Variants in PALS1 observed in about 807,000 individuals in gnomAD.
The protein encoded by PALS1 is protein PALS1.
In PALS1, 31 loss-of-function variants were observed where a neutral mutation model predicts 78.9. The ratio of observed to expected loss-of-function variants is 0.39; its 90% CI spans 0.30 to 0.53. The LOEUF (loss-of-function observed/expected upper bound fraction) is 0.53. PALS1 is among the 20% of genes least tolerant of loss of function. The probability of loss-of-function intolerance (pLI) is 0.67; values close to 1 mark genes in which losing one functional copy is unlikely to be tolerated. For missense variants in PALS1, 704 were observed against 826.5 expected (o/e 0.85, Z 1.82); for synonymous variants, 276 against 270.9 (o/e 1.02, Z -0.18).
intron 1 of PALS1, among the ~76,000 whole-genome samples, chr14:67,249,000 TC>T (rs1295473670): frequency 2.0e-5 from 3 of 151,098 alleles, no homozygotes; most frequent in Non-Finnish European, 4.4e-5. Context: ...TCTCACTCTG[TC>T]CCCCAGGCTG....
chr14:67,331,592 C>A (rs906068115), intron 14 of PALS1, among the ~76,000 whole-genome samples: 1 of 152,046 alleles, frequency 6.6e-6, no homozygotes, highest in Non-Finnish European at 1.5e-5. Context: ...TGAGCTAAAA[C>A]ATTTTGTTTC....
rs552544466 is a variant in PALS1 at position 67,327,884 on chromosome 14, A to G, written c.1851+4072A>G. 6.6e-5 allele frequency among the ~76,000 whole-genome samples: 10 copies of G among 152,166 alleles called. No individual in the cohort carries two copies. In the East Asian group the frequency reaches 1.9e-3, roughly 29 times the overall value. On this transcript the variant is annotated intron_variant, in intron 14 of 14. Coordinates refer to ENST00000261681, the MANE Select transcript of PALS1 (RefSeq NM_022474.4). ...GTGCCACATTTTCTTAATCCAGTCT[A>G]TCATTGATTTGGGTTGGTTCCAAGT...
At chr14:67,329,045 T>C (rs1182053325) in intron 14 of PALS1, among the ~76,000 whole-genome samples, 8 of 152,226 alleles carry the variant, frequency 5.3e-5, no homozygotes, top group Non-Finnish European at 1.0e-4. Context: ...GGGGATGGCA[T>C]TGAATCTATA....
At chr14:67,287,888 T>C (rs2084714954) in intron 3 of PALS1, among the ~76,000 whole-genome samples, 1 of 152,154 alleles carries the variant, frequency 6.6e-6, no homozygotes, top group Admixed American at 6.5e-5. Flanking sequence ...TCCTTTTGAG[T>C]GGCTTTGGTA....
chr14:67,322,251 G>C (rs540535687), intron 13 of PALS1, among the ~76,000 whole-genome samples: 4 of 152,208 alleles, frequency 2.6e-5, no homozygotes, highest in African/African-American at 9.6e-5. Context: ...GGGAGGCTGG[G>C]GTGGGAAAAT....
At chr14:67,332,281 A>G (rs2085461983) in intron 14 of PALS1, among the ~76,000 whole-genome samples, 1 of 152,208 alleles carries the variant, frequency 6.6e-6, no homozygotes, top group Non-Finnish European at 1.5e-5. Flanking sequence ...TACTCTATAT[A>G]GTTTCCCAAA....
At chr14:67,316,784 T>C (rs757581893) in intron 9 of PALS1, 48 bp from the exon 10 acceptor site, 85 of 1,491,866 alleles carry the variant, frequency 5.7e-5, no homozygotes, top group Non-Finnish European at 7.6e-5. Flanking sequence ...AAAATTCTTA[T>C]CCTTTTATCT....
intron 13 of PALS1, 122 bp downstream of exon 13, chr14:67,321,381 C>T: frequency 3.4e-6 from 3 of 885,890 alleles, no homozygotes; most frequent in Non-Finnish European, 5.3e-6. Flanking sequence ...TACGGTTTTT[C>T]CCACTGATTT....
chr14:67,256,168 ATCC>A (rs1281922420), intron 1 of PALS1, among the ~76,000 whole-genome samples: 3 of 152,230 alleles, frequency 2.0e-5, no homozygotes, highest in Non-Finnish European at 2.9e-5. Flanking sequence ...TTGGTCTATT[ATCC>A]TCATTTTTCA....
At chr14:67,290,020 C>T (rs896381414) in intron 3 of PALS1, among the ~76,000 whole-genome samples, 10 of 152,114 alleles carry the variant, frequency 6.6e-5, no homozygotes, top group African/African-American at 9.7e-5. Context: ...GATCCACCCG[C>T]CTTGGTCTCC....
intron 1 of PALS1, among the ~76,000 whole-genome samples, chr14:67,256,666 G>C (rs1415589329): frequency 6.6e-6 from 1 of 151,994 alleles, no homozygotes; most frequent in Non-Finnish European, 1.5e-5. Context: ...TCGTGCCTCA[G>C]CCTCCCAAGT....
At chr14:67,323,141 T>TA (rs2085286830) in intron 13 of PALS1, among the ~76,000 whole-genome samples, 1 of 151,972 alleles carries the variant, frequency 6.6e-6, no homozygotes, top group African/African-American at 2.4e-5. Context: ...ATCATTCACT[T>TA]ACATTTCATT....
At position 67,335,879 on chromosome 14, in the gene PALS1, AC is replaced by A. The variant is rs1226221830; in HGVS notation, c.*2926del. The A allele has an allele frequency of 1.3e-5, 2 of 152,324 alleles. No individual in the cohort carries two copies. The highest frequency in any genetic ancestry group is 2.9e-5 in the Non-Finnish European group (2 of 68,026). 9.4% of individuals were successfully genotyped at this position (152,324 alleles called of 1,614,324 possible). On this transcript the variant is annotated 3_prime_UTR_variant, in exon 15 of 15. Transcript: ENST00000261681. ...CAAGGTTTCCACACATGTAAAGACC[AC>A]CCTCCTCTTCAAGTTTTTGCCAAAA...
chr14:67,248,290 G>A (rs1362137444), intron 1 of PALS1, among the ~76,000 whole-genome samples: 1 of 152,190 alleles, frequency 6.6e-6, no homozygotes, highest in East Asian at 1.9e-4. Flanking sequence ...GGAGGCTGAG[G>A]TGGGAGGGTC....
rs113964073 is a variant in PALS1 at position 67,332,983 on chromosome 14, G to C, written c.*27G>C. The C allele has an allele frequency of 9.6e-3, 15,154 of 1,583,210 alleles. 99 individuals are homozygous for C. Among genetic ancestry groups the C allele is most frequent in the South Asian group, 0.011 (973 of 87,714 alleles). On this transcript the variant is annotated 3_prime_UTR_variant, in exon 15 of 15. Transcript: ENST00000261681. ...AGAAACATCCATTCTGTGGCATGTT[G>C]GACTTGATCTGGCAAAAACTGCCAA...
chr14:67,244,911 T>C (rs1474552662), intron 1 of PALS1, among the ~76,000 whole-genome samples: 1 of 152,122 alleles, frequency 6.6e-6, no homozygotes, highest in Non-Finnish European at 1.5e-5. Flanking sequence ...GTGGTCCCAG[T>C]GTATCACAGA....
intron 2 of PALS1, among the ~76,000 whole-genome samples, chr14:67,274,089 G>A (rs1443302751): frequency 6.6e-6 from 1 of 152,146 alleles, no homozygotes; most frequent in African/African-American, 2.4e-5. Flanking sequence ...TCACTCTGAT[G>A]GTAGTTTCTT....
intron 9 of PALS1, among the ~76,000 whole-genome samples, chr14:67,316,564 T>C (rs1379486016): frequency 6.6e-6 from 1 of 152,196 alleles, no homozygotes; most frequent in Non-Finnish European, 1.5e-5. Context: ...AATGAAACCT[T>C]TTAAAAAGTT....
At chr14:67,324,608 AG>A (rs1470686476) in intron 14 of PALS1, among the ~76,000 whole-genome samples, 1 of 152,006 alleles carries the variant, frequency 6.6e-6, no homozygotes, top group East Asian at 1.9e-4. Flanking sequence ...GTTTTGAAAT[AG>A]GGTCTTACTC....
Sources: allele counts gnomAD v4.1 joint callset (sites outside exome capture counted in the v4.1 genomes callset), GRCh38; gene constraint gnomAD v4.1.1; transcripts MANE v1.5; gene names NCBI Gene and HGNC (gene_info 2026-07-23, HGNC 2026-07-21).